FAM221B: variants seen among roughly 807,000 people sequenced by gnomAD.
FAM221B encodes the protein protein FAM221B.
In FAM221B, 35 loss-of-function variants were observed where a neutral mutation model predicts 39.8. That is an observed-to-expected ratio of 0.88 (90% CI 0.67 to 1.17). FAM221B has a LOEUF of 1.17. Among genes scored for constraint, FAM221B ranks in the 50% most tolerant of loss-of-function variants. The pLI is 0.00. For missense variants in FAM221B, 479 were observed against 503.1 expected, an observed-to-expected ratio of 0.95 and a Z score of 0.46; for synonymous variants, 158 against 178.1, an observed-to-expected ratio of 0.89 and a Z score of 0.90.
intron 3 of FAM221B, chr9:35,821,634 G>GT (rs781620740): frequency 7.3e-7 from 1 of 1,366,504 alleles, no homozygotes. Flanking sequence ...TCTGTCTGGA[G>GT]TAGCAGGATA....
chr9:35,825,370 T>A lies in FAM221B; in HGVS notation c.602A>T (p.Asn201Ile), dbSNP rs1829312524. The change falls in exon 3 of 7, where the codon AAC becomes ATC. Residue 201 changes from asparagine (N) to isoleucine (I), a missense_variant. Physicochemically the swap from Asn to Ile is moderately radical, Grantham distance 149. Transcript: ENST00000423537. The surrounding 1 kb of genome is among the most constrained non-coding windows in gnomAD (Gnocchi z 4.2). ...AGCAGGGAACACTGGGCGGGCTGTG[T>A]TACCTAGGATGGGAGAGGATGAGTA... is the stretch of plus-strand genomic sequence containing the variant. Reference protein sequence around the residue: ...HTAQPGHQLGNTARPVFPARQ... With the variant: ...HTAQPGHQLGITARPVFPARQ... The A allele has an allele frequency of 6.2e-7, 1 of 1,613,968 alleles. No homozygotes were observed. The highest frequency in any genetic ancestry group is 1.3e-5 in the African/African-American group (1 of 74,932).
At chr9:35,826,632 C>T (rs935406267) in intron 1 of FAM221B, among the ~76,000 whole-genome samples, 1 of 152,154 alleles carries the variant, frequency 6.6e-6, no homozygotes, top group African/African-American at 2.4e-5. Context: ...AGACACTGCA[C>T]GCAGCCTGGT....
intron 1 of FAM221B, among the ~76,000 whole-genome samples, chr9:35,827,962 G>A (rs1170215775): frequency 6.6e-6 from 1 of 152,082 alleles, no homozygotes; most frequent in Non-Finnish European, 1.5e-5. Context: ...AGAAGGGGAG[G>A]AGGAAATTGG....
intron 1 of FAM221B, among the ~76,000 whole-genome samples, chr9:35,827,437 G>C (rs1024065387): frequency 2.0e-5 from 3 of 152,206 alleles, no homozygotes; most frequent in Admixed American, 2.0e-4. Context: ...GCTGTGCTAA[G>C]CTCTAGATTG....
At chr9:35,824,704 C>T (rs1400096027) in intron 3 of FAM221B, among the ~76,000 whole-genome samples, 3 of 141,838 alleles carry the variant, frequency 2.1e-5, no homozygotes, top group African/African-American at 5.2e-5. Context: ...TTTTTTGAGA[C>T]GGAGTCTCGC....
chr9:35,820,084 G>A (rs1321791461), intron 3 of FAM221B, 84 bp from the exon 4 acceptor site: 5 of 929,476 alleles, frequency 5.4e-6, no homozygotes, highest in Non-Finnish European at 8.5e-6. Flanking sequence ...ATGGAGGTGA[G>A]GGGGTGGGGG....
At chr9:35,827,999 G>A (rs1254682092) in intron 1 of FAM221B, among the ~76,000 whole-genome samples, 7 of 152,022 alleles carry the variant, frequency 4.6e-5, no homozygotes, top group Admixed American at 4.6e-4. Context: ...AGGATGAAAA[G>A]TACAGAATGT....
intron 1 of FAM221B, among the ~76,000 whole-genome samples, chr9:35,827,922 C>G (rs1315340108): frequency 6.6e-6 from 1 of 151,740 alleles, no homozygotes; most frequent in Non-Finnish European, 1.5e-5. Flanking sequence ...GAGTGGAGAA[C>G]CAGAAGATGG....
intron 3 of FAM221B, among the ~76,000 whole-genome samples, chr9:35,820,255 A>C (rs1054350140): frequency 3.3e-5 from 5 of 152,176 alleles, no homozygotes; most frequent in African/African-American, 1.2e-4. Context: ...AGCCTGCCAG[A>C]GATGACTCAA....
In FAM221B at chr9:35,826,107, G is replaced by C. The variant is rs1437380264; in HGVS notation, c.55C>G (p.His19Asp). The C allele has an allele frequency of 1.2e-6, 2 of 1,611,390 alleles. No homozygotes were observed. The highest frequency in any genetic ancestry group is 1.7e-4 in the Middle Eastern group (1 of 6,032). ...GCAGAGGGGTCCTTTGAAGGGGGGT[G>C]CTTCTCTGCATCCATGGTGATATGA... ...EPHITMDAEK[H>D]PPSKDPSAED... Residue 19 changes from histidine (H) to aspartate (D), a missense_variant, in exon 2 of 7, where the codon CAC becomes GAC. By Grantham distance (81) the His-to-Asp change is moderately conservative (BLOSUM62 -1). Transcript: ENST00000423537.
chr9:35,825,486 A>G lies in FAM221B; in HGVS notation c.598+78T>C, dbSNP rs1829318102. Reference sequence around the variant, plus strand: ...CCTCCTCCTGGGGCAAGTCAAGGACAGTGAATAGTAGTGAGAACAGGACAG... The same window carrying G: ...CCTCCTCCTGGGGCAAGTCAAGGACGGTGAATAGTAGTGAGAACAGGACAG... On this transcript the variant is annotated intron_variant, in intron 2 of 6. Transcript: ENST00000423537. This position sits in a 1 kb window ranked among gnomAD's most constrained non-coding sequence, Gnocchi z 4.2. The G allele has an allele frequency of 6.4e-7, 1 of 1,571,272 alleles. No homozygotes were observed.
chr9:35,817,305 GC>G lies in FAM221B; in HGVS notation c.*1163del, dbSNP rs1294833554. 1 of 152,276 alleles carries G rather than the reference GC, an allele frequency of 6.6e-6. No homozygotes were observed. Among genetic ancestry groups the G allele is most frequent in the Non-Finnish European group, 1.5e-5 (1 of 68,068 alleles). The allele number at this position is 152,276 out of a possible 1,614,324, so 9.4% of individuals were successfully genotyped here. ...CATCTGAAAGATGTTATGCTCTGCA[GC>G]CTCTGAACACTGTCTCTTGTACTCC... On this transcript the variant is annotated 3_prime_UTR_variant, in exon 7 of 7. Coordinates refer to ENST00000423537, the MANE Select transcript of FAM221B (RefSeq NM_001012446.4).
rs1322353833 is a variant in FAM221B, at chr9:35,820,672, G to A, written c.743-672C>T. Among the ~76,000 whole-genome samples the A allele has an allele frequency of 1.5e-4, 23 of 152,146 alleles. 1 individual carries two copies. The highest frequency in any genetic ancestry group is 1.5e-5 in the Non-Finnish European group (1 of 68,018). Reference sequence around the variant, plus strand: ...GGTTCTTCAAGGGTCAGGAGAAAGGGGTAGGTAGCAGTCATGAGTGGTGAA... The same window carrying A: ...GGTTCTTCAAGGGTCAGGAGAAAGGAGTAGGTAGCAGTCATGAGTGGTGAA... On this transcript the variant is annotated intron_variant, in intron 3 of 6. Transcript: ENST00000423537.
chr9:35,828,030 T>C lies in FAM221B; in HGVS notation c.-1+433A>G, dbSNP rs1256172084. ...AATGTGGGCCAGGCATGGTGGCTCA[T>C]GCCAGTAATCCCAGAATTTGGGAGG... On this transcript the variant is annotated intron_variant, in intron 1 of 6. Coordinates refer to ENST00000423537, the MANE Select transcript of FAM221B (RefSeq NM_001012446.4). The surrounding 1 kb of genome is among the most constrained non-coding windows in gnomAD (Gnocchi z 4.5). Among the ~76,000 whole-genome samples the C allele has an allele frequency of 6.6e-6, 1 of 152,084 alleles. No individual in the cohort carries two copies. Among genetic ancestry groups the C allele is most frequent in the African/African-American group, 2.4e-5 (1 of 41,402 alleles).
chr9:35,823,664 C>T (rs1297262436), intron 3 of FAM221B, among the ~76,000 whole-genome samples: 4 of 151,854 alleles, frequency 2.6e-5, no homozygotes, highest in African/African-American at 9.7e-5. Flanking sequence ...AATAAGAGGA[C>T]TGAACACATC....
intron 6 of FAM221B, 26 bp downstream of exon 6, chr9:35,818,864 C>A: frequency 1.3e-6 from 2 of 1,550,764 alleles, no homozygotes; most frequent in Non-Finnish European, 8.7e-7. Flanking sequence ...CCTGGAATGG[C>A]CCCCTGTCCC....
rs996310123 is a variant in FAM221B, at chr9:35,819,336, T to C, written c.912A>G (p.Pro304=). 1 of 1,551,500 alleles carries C rather than the reference T, an allele frequency of 6.4e-7. No homozygotes were observed. The highest frequency in any genetic ancestry group is 8.7e-7 in the Non-Finnish European group (1 of 1,146,984). The change falls in exon 5 of 7, where the codon CCA becomes CCG. Residue 304 remains proline, a synonymous_variant. Coordinates refer to ENST00000423537, the MANE Select transcript of FAM221B (RefSeq NM_001012446.4). ...QCRCFMFCFI[P]SRPEEVGEFW... The stretch of plus-strand genomic sequence containing the variant: ...ACTCACCCACCTCCTCTGGGCGTGA[T>C]GGGATAAAGCAGAACATGAAGCAGC...
chr9:35,828,011 G>C lies in FAM221B; in HGVS notation c.-1+452C>G, dbSNP rs1829455452. Among the ~76,000 whole-genome samples the C allele has an allele frequency of 6.6e-6, 1 of 152,156 alleles. No individual in the cohort carries two copies. The highest frequency in any genetic ancestry group is 6.5e-5 in the Admixed American group (1 of 15,274). Reference sequence around the variant, plus strand: ...GTAAGGATGAAAAGTACAGAATGTGGGCCAGGCATGGTGGCTCATGCCAGT... The same window carrying C: ...GTAAGGATGAAAAGTACAGAATGTGCGCCAGGCATGGTGGCTCATGCCAGT... On this transcript the variant is annotated intron_variant, in intron 1 of 6. Transcript: ENST00000423537. This position sits in a 1 kb window ranked among gnomAD's most constrained non-coding sequence, Gnocchi z 4.5.
chr9:35,819,069 C>A, intron 5 of FAM221B, 60 bp from the exon 6 acceptor site: 2 of 1,547,288 alleles, frequency 1.3e-6, no homozygotes, highest in Non-Finnish European at 1.7e-6. Flanking sequence ...AGGAGCTGAC[C>A]ACATTCTCAT....
Sources: allele counts gnomAD v4.1 joint callset (sites outside exome capture counted in the v4.1 genomes callset), GRCh38; gene constraint gnomAD v4.1.1; non-coding constraint Gnocchi (gnomAD v3.1); transcripts MANE v1.5; gene names NCBI Gene and HGNC (gene_info 2026-07-23, HGNC 2026-07-21).